Variants in SUGP2 observed in about 807,000 individuals in gnomAD.
SUGP2 encodes SURP and G-patch domain containing 2.
Under a neutral mutation model 90.5 loss-of-function variants are expected in SUGP2, and 24 were observed. The observed-to-expected ratio is 0.27, with a 90% confidence interval of 0.19 to 0.37. The LOEUF (loss-of-function observed/expected upper bound fraction) is 0.37, where lower values mean the gene tolerates loss of function less well. SUGP2 is among the 10% of genes least tolerant of loss of function. The pLI is 1.00. For missense variants in SUGP2, 1,233 were observed against 1,363.3 expected, an observed-to-expected ratio of 0.90 and a Z score of 1.51; for synonymous variants, 473 against 513.4, an observed-to-expected ratio of 0.92 and a Z score of 1.06.
rs114031733 is a variant in SUGP2 at position 19,020,886 on chromosome 19, A to T, written c.1730-1657T>A. Among the ~76,000 whole-genome samples the T allele has an allele frequency of 7.8e-3, 1,189 of 152,220 alleles. 12 individuals carry two copies. The highest frequency in any genetic ancestry group is 0.028 in the African/African-American group (1,150 of 41,534). ...TAAAAGTACAGAATGATGGCCGGGC[A>T]CAATGGCTCATTCCTGTAATCCCAG... On this transcript the variant is annotated intron_variant, in intron 3 of 10. Coordinates refer to ENST00000452918, the MANE Select transcript of SUGP2 (RefSeq NM_001017392.5).
chr19:19,006,974 A>C (rs2058099377), intron 6 of SUGP2, among the ~76,000 whole-genome samples: 1 of 152,338 alleles, frequency 6.6e-6, no homozygotes, highest in East Asian at 1.9e-4. Flanking sequence ...TTTCAACTGT[A>C]ATTTTAACTG....
rs763085360 is a variant in SUGP2 at position 19,001,638 on chromosome 19, C to T, written c.2966G>A (p.Arg989Gln). The T allele has an allele frequency of 6.2e-6, 10 of 1,614,188 alleles. No individual in the cohort carries two copies. Among genetic ancestry groups the T allele is most frequent in the East Asian group, 2.2e-5 (1 of 44,884 alleles). ...EPVRIAYDRP[R>Q]GRPMSKKKKP... ...CTTCTTTTTGGACATGGGACGACCC[C>T]GAGGCCTGTCATAGGCAATTCGAAC... Residue 989 changes from arginine (R) to glutamine (Q), a missense_variant, in exon 8 of 11, where the codon CGG becomes CAG. This residue lies in a region of SUGP2 where 105 missense variants were observed against 155.2 expected (regional missense o/e 0.68). Coordinates refer to ENST00000452918, the MANE Select transcript of SUGP2 (RefSeq NM_001017392.5).
chr19:19,026,240 TC>T lies in SUGP2; in HGVS notation c.122-15del. 2.1e-6 allele frequency: 3 copies of T among 1,433,888 alleles called. No individual in the cohort carries two copies. The highest frequency in any genetic ancestry group is 1.8e-6 in the Non-Finnish European group (2 of 1,099,758). The allele number at this position is 1,433,888 out of a possible 1,614,324, so 88.8% of individuals were successfully genotyped here. A position where few individuals can be genotyped will look rare whatever the true frequency, so the allele number is the denominator to read the frequency against. Reference sequence around the variant, plus strand: ...CCCTTAAGAGATCTGAAATAAACCATCCAAAAAAAAAAAAGAAGAAGCCAAA... The same window carrying T: ...CCCTTAAGAGATCTGAAATAAACCATCAAAAAAAAAAAAGAAGAAGCCAAA... On this transcript the variant is annotated splice_polypyrimidine_tract_variant and intron_variant, in intron 2 of 10. Transcript: ENST00000452918.
At chr19:19,031,150 G>A (rs750863871) in intron 1 of SUGP2, 68 bp from the exon 2 acceptor site, 44 of 1,535,374 alleles carry the variant, frequency 2.9e-5, no homozygotes, top group Admixed American at 8.1e-5. Context: ...GCTCATACCT[G>A]TAATCCTGGC....
chr19:19,030,594 A>G (rs2059115774), intron 2 of SUGP2, among the ~76,000 whole-genome samples: 1 of 152,166 alleles, frequency 6.6e-6, no homozygotes, highest in African/African-American at 2.4e-5. Flanking sequence ...GAGAAGCTCC[A>G]GATAACTACA....
chr19:19,017,962 A>T (rs951790021), intron 4 of SUGP2, among the ~76,000 whole-genome samples: 3 of 148,032 alleles, frequency 2.0e-5, no homozygotes, highest in African/African-American at 7.6e-5. Flanking sequence ...ATGGTGTCTC[A>T]GCCCAGCACA....
At chr19:18,995,371 C>A in intron 8 of SUGP2, 91 bp from the exon 9 acceptor site, 1 of 1,410,950 alleles carries the variant, frequency 7.1e-7, no homozygotes. Context: ...CCCCTCACCC[C>A]CAAATGCCCT....
intron 4 of SUGP2, among the ~76,000 whole-genome samples, chr19:19,011,554 A>G (rs984615412): frequency 5.3e-5 from 8 of 152,172 alleles, no homozygotes; most frequent in African/African-American, 1.9e-4. Flanking sequence ...AATTGCTTCT[A>G]ATTTCAGCTA....
At chr19:19,014,850 G>A (rs2058438135) in intron 4 of SUGP2, among the ~76,000 whole-genome samples, 1 of 151,852 alleles carries the variant, frequency 6.6e-6, no homozygotes, top group South Asian at 2.1e-4. Context: ...TTCAGAGAAT[G>A]TCAATGGTCA....
rs1160444395 is a variant in SUGP2, at chr19:19,030,145, T to C, written c.121+806A>G. 2.7e-5 allele frequency among the ~76,000 whole-genome samples: 4 copies of C among 149,746 alleles called. No individual in the cohort carries two copies. The East Asian group carries it at 5.9e-4, about 22-fold the overall frequency. ...CCTGAAAACATAGCAAGACTCCATA[T>C]CTATTAAAAAAAACAAAAAACAAAA... On this transcript the variant is annotated intron_variant, in intron 2 of 10. Transcript: ENST00000452918.
chr19:19,008,496 G>A, intron 5 of SUGP2, 68 bp from the exon 6 acceptor site: 1 of 1,258,466 alleles, frequency 7.9e-7, no homozygotes. Context: ...ACACTGCAGG[G>A]TTGTGGAGGC....
chr19:19,023,004 G>T (rs965362072), intron 3 of SUGP2, among the ~76,000 whole-genome samples: 1 of 152,216 alleles, frequency 6.6e-6, no homozygotes, highest in Non-Finnish European at 1.5e-5. Flanking sequence ...TCTGGGCTGT[G>T]AGAGTCCATT....
chr19:18,997,888 C>G, intron 8 of SUGP2, among the ~76,000 whole-genome samples: 1 of 152,032 alleles, frequency 6.6e-6, no homozygotes, highest in East Asian at 1.9e-4. Flanking sequence ...CCTCCCAAAG[C>G]ACAGGAGGAA....
intron 3 of SUGP2, among the ~76,000 whole-genome samples, chr19:19,020,997 T>C (rs1446142507): frequency 1.3e-5 from 2 of 151,678 alleles, no homozygotes; most frequent in Non-Finnish European, 2.9e-5. Context: ...CCGTCTCTAC[T>C]AAAAATATAA....
intron 4 of SUGP2, among the ~76,000 whole-genome samples, chr19:19,018,868 G>A (rs1391615567): frequency 1.3e-5 from 2 of 152,104 alleles, no homozygotes; most frequent in African/African-American, 4.8e-5. Context: ...AGCCCAGCAG[G>A]GACTTGGAGC....
intron 4 of SUGP2, among the ~76,000 whole-genome samples, chr19:19,015,918 TC>T (rs1179570004): frequency 6.6e-6 from 1 of 152,244 alleles, no homozygotes; most frequent in African/African-American, 2.4e-5. Context: ...TTTATTTCAA[TC>T]TATTTTTCAT....
chr19:18,996,952 C>T (rs903580543), intron 8 of SUGP2, among the ~76,000 whole-genome samples: 6 of 151,146 alleles, frequency 4.0e-5, no homozygotes, highest in Non-Finnish European at 8.8e-5. Context: ...AGGAGGATCA[C>T]GGGGGCTGGT....
At chr19:18,994,305 T>C (rs1268885186) in intron 10 of SUGP2, 61 bp downstream of exon 10, 14 of 1,564,784 alleles carry the variant, frequency 8.9e-6, no homozygotes, top group Non-Finnish European at 1.2e-5. Flanking sequence ...GGGGGAAATT[T>C]CTCTGCATAC....
At chr19:19,008,910 GGTTT>G (rs951231609) in intron 5 of SUGP2, among the ~76,000 whole-genome samples, 5 of 152,028 alleles carry the variant, frequency 3.3e-5, no homozygotes, top group Non-Finnish European at 5.9e-5. Context: ...CCTCCTGGTT[GGTTT>G]GTTTGGTTTT....
Sources: allele counts gnomAD v4.1 joint callset (sites outside exome capture counted in the v4.1 genomes callset), GRCh38; gene constraint gnomAD v4.1.1; regional missense constraint gnomAD v4.1.1; transcripts MANE v1.5; gene names NCBI Gene and HGNC (gene_info 2026-07-23, HGNC 2026-07-21).